Variants in DNAH11 observed in about 807,000 individuals in gnomAD.
The protein encoded by DNAH11 is axonemal beta dynein heavy chain 11.
DNAH11 carries 442 observed loss-of-function variants against 526.0 expected under a neutral mutation model. The observed-to-expected ratio is 0.84, with a 90% CI of 0.78 to 0.91. DNAH11 has a LOEUF of 0.91. Ranked by LOEUF, DNAH11 falls within the 40% of genes least tolerant of loss-of-function variation. DNAH11 has a pLI of 0.00. For synonymous variants in DNAH11, 2,461 were observed against 1,935.9 expected (o/e 1.27, Z -7.12); for missense variants, 6,989 against 5,448.7 (o/e 1.28, Z -8.90).
intron 2 of DNAH11, among the ~76,000 whole-genome samples, chr7:21,547,066 C>A (rs1719932592): frequency 6.6e-6 from 1 of 152,152 alleles, no homozygotes; most frequent in Non-Finnish European, 1.5e-5. Context: ...AAAAACTACA[C>A]AAACTGACAA....
Position 21,894,772 on chromosome 7 carries a change from T to C in DNAH11, c.12900T>C (p.Arg4300=). 1.9e-6 allele frequency: 3 copies of C among 1,611,964 alleles called. No individual in the cohort carries two copies. Among genetic ancestry groups the C allele is most frequent in the Non-Finnish European group, 2.5e-6 (3 of 1,178,864 alleles). ...TGAATATTCTCATTCGGGAAATACG[T>C]ATATCACTTGAACAACTGGACCTTA... The part of the protein sequence containing the change: ...ERMNILIREI[R]ISLEQLDLSL... Residue 4300 remains arginine, a synonymous_variant, in exon 78 of 82, where the codon CGT becomes CGC. Transcript: ENST00000409508.
At position 21,710,560 on chromosome 7, in the gene DNAH11, T is replaced by A. The variant is rs767147826; in HGVS notation, c.6691T>A (p.Tyr2231Asn). The A allele has an allele frequency of 1.9e-6, 3 of 1,607,682 alleles. No homozygotes were observed. The South Asian group carries it at 3.3e-5, about 18-fold the overall frequency. ...AACTACATTATATATTAGGATTGTT[T>A]ACTCTTATTTTATAGGTCTCTTCTC... The part of the protein sequence containing the change: ...TREWKDGKIV[Y>N]SYFIGLFSSI... Residue 2231 changes from tyrosine to asparagine, a missense_variant, in exon 41 of 82, where the codon TAC (tyrosine) becomes AAC (asparagine). Tyr to Asn is a moderately radical substitution (Grantham distance 143). Transcript: ENST00000409508.
intron 73 of DNAH11, among the ~76,000 whole-genome samples, chr7:21,870,320 T>C (rs1454384787): frequency 6.6e-6 from 1 of 152,116 alleles, no homozygotes; most frequent in East Asian, 1.9e-4. Context: ...TGCAACTGGA[T>C]TCATAAAGAA....
At chr7:21,799,688 A>G (rs1406748671) in intron 61 of DNAH11, among the ~76,000 whole-genome samples, 1 of 152,168 alleles carries the variant, frequency 6.6e-6, no homozygotes, top group Non-Finnish European at 1.5e-5. Flanking sequence ...ATCAATTCTC[A>G]TAAAGTTAAT....
intron 5 of DNAH11, among the ~76,000 whole-genome samples, chr7:21,562,633 A>C (rs1472893837): frequency 6.6e-6 from 1 of 152,184 alleles, no homozygotes; most frequent in South Asian, 2.1e-4. Flanking sequence ...CTCTTCTCAA[A>C]GACACACTTC....
chr7:21,872,123 C>CAAAAAAAAAAAAAAAAAAAAA lies in DNAH11; in HGVS notation c.11968-1145_11968-1125dup, dbSNP rs776718319. Among the ~76,000 whole-genome samples the CAAAAAAAAAAAAAAAAAAAAA allele has an allele frequency of 6.5e-4, 20 of 30,832 alleles. 4 individuals carry two copies. Among genetic ancestry groups the CAAAAAAAAAAAAAAAAAAAAA allele is most frequent in the Non-Finnish European group, 9.5e-4 (17 of 17,974 alleles). 20.2% of individuals were successfully genotyped at this position (30,832 alleles called of 152,430 possible). On this transcript the variant is annotated intron_variant, in intron 73 of 81. Transcript: ENST00000409508. ...TGGGTGACAGAGCGAGACTCTGTCT[C>CAAAAAAAAAAAAAAAAAAAAA]AAAAAAAAAAAAAAAAAAAAAAAAA...
chr7:21,765,474 C>T lies in DNAH11; in HGVS notation c.8987C>T (p.Ala2996Val). Residue 2996 changes from alanine to valine, a missense_variant, in exon 55 of 82, where the codon GCT (alanine) becomes GTT (valine). Coordinates refer to ENST00000409508, the MANE Select transcript of DNAH11 (RefSeq NM_001277115.2). The stretch of plus-strand genomic sequence containing the variant: ...GTTGGTCGCACGCTGAGAGTTAGAG[C>T]TCGGAAGTTCCCAGCCATAGTTAAC... The part of the protein sequence containing the change: ...SPVGRTLRVR[A>V]RKFPAIVNCT... The T allele has an allele frequency of 1.2e-6, 2 of 1,613,880 alleles. No homozygotes were observed. Among genetic ancestry groups the T allele is most frequent in the Non-Finnish European group, 1.7e-6 (2 of 1,179,824 alleles).
intron 65 of DNAH11, among the ~76,000 whole-genome samples, chr7:21,818,967 C>A (rs551825866): frequency 1.3e-5 from 2 of 152,210 alleles, no homozygotes; most frequent in South Asian, 4.2e-4. Flanking sequence ...CCAGAACATT[C>A]TCTCAGGGGC....
rs374151422 is a variant in DNAH11, at chr7:21,725,817, G to C, written c.7273G>C (p.Asp2425His). The C allele has an allele frequency of 3.1e-6, 5 of 1,610,046 alleles. No individual in the cohort carries two copies. The African/African-American group carries it at 5.3e-5, about 17-fold the overall frequency. Residue 2425 changes from aspartate to histidine, a missense_variant, in exon 45 of 82, where the codon GAT becomes CAT. Coordinates refer to ENST00000409508, the MANE Select transcript of DNAH11 (RefSeq NM_001277115.2). ...GGTLLQDQISDYQADFSRWWQ... is the reference protein window; with the variant it reads ...GGTLLQDQISHYQADFSRWWQ... The stretch of plus-strand genomic sequence containing the variant: ...TTTCTTTTGTTCTCCTTAGATTTCT[G>C]ATTATCAAGCTGACTTCAGTCGGTG...
chr7:21,672,257 T>C (rs1382533878), intron 30 of DNAH11, among the ~76,000 whole-genome samples: 1 of 152,182 alleles, frequency 6.6e-6, no homozygotes, highest in Non-Finnish European at 1.5e-5. Context: ...TAATGTTCAC[T>C]TTGATCTGCT....
intron 20 of DNAH11, among the ~76,000 whole-genome samples, chr7:21,608,973 A>G (rs1324684536): frequency 6.6e-6 from 1 of 152,168 alleles, no homozygotes; most frequent in Non-Finnish European, 1.5e-5. Context: ...TGAAAGGCAT[A>G]TGTATTATTG....
At chr7:21,567,217 G>T (rs185829738) in intron 6 of DNAH11, among the ~76,000 whole-genome samples, 2 of 152,214 alleles carry the variant, frequency 1.3e-5, no homozygotes, top group Admixed American at 1.3e-4. Flanking sequence ...CATTTATTGG[G>T]TATCTAGTGG....
At chr7:21,872,392 A>C (rs1287885387) in intron 73 of DNAH11, among the ~76,000 whole-genome samples, 2 of 152,056 alleles carry the variant, frequency 1.3e-5, no homozygotes, top group Non-Finnish European at 2.9e-5. Flanking sequence ...TTGCATTATT[A>C]TTTTGTTCCA....
intron 25 of DNAH11, among the ~76,000 whole-genome samples, chr7:21,623,598 A>C (rs980595995): frequency 5.9e-5 from 9 of 152,104 alleles, no homozygotes; most frequent in Non-Finnish European, 1.3e-4. Context: ...GGATTAAGCA[A>C]ATGTGGCACA....
Position 21,786,652 on chromosome 7 carries a change from C to T in DNAH11, c.9626C>T (p.Pro3209Leu), listed in dbSNP as rs1358490203. The change falls in exon 59 of 82, where the codon CCC becomes CTC. Residue 3209 changes from proline (P) to leucine (L), a missense_variant. Transcript: ENST00000409508. The stretch of plus-strand genomic sequence containing the variant: ...AACCTCAGTGAGCTGAAAGCCTTTC[C>T]CAACCCTCCCATCGCAGTTACCAAT... ...RVNLSELKAF[P>L]NPPIAVTNVT... The T allele has an allele frequency of 6.2e-7, 1 of 1,613,180 alleles. No individual in the cohort carries two copies. The highest frequency in any genetic ancestry group is 1.7e-5 in the Admixed American group (1 of 59,986).
At chr7:21,827,046 CTGTGGACCAA>C (rs1361863808) in intron 65 of DNAH11, among the ~76,000 whole-genome samples, 6 of 152,186 alleles carry the variant, frequency 3.9e-5, no homozygotes, top group Non-Finnish European at 8.8e-5. Flanking sequence ...TGACAGCTCC[CTGTGGACCAA>C]TACATCAGCC....
intron 28 of DNAH11, among the ~76,000 whole-genome samples, chr7:21,650,899 C>G (rs1004133236): frequency 6.6e-6 from 1 of 151,408 alleles, no homozygotes; most frequent in African/African-American, 2.4e-5. Flanking sequence ...CTCTGCCTCC[C>G]AAAGTGCTGG....
At chr7:21,602,584 TGTGTGTGTGTG>T (rs1785136741) in intron 18 of DNAH11, among the ~76,000 whole-genome samples, 2 of 151,642 alleles carry the variant, frequency 1.3e-5, no homozygotes, top group Non-Finnish European at 3.0e-5. Flanking sequence ...TGTGTGTGTG[TGTGTGTGTGTG>T]TGTGTACACA....
At chr7:21,674,153 G>A (rs560880580) in intron 30 of DNAH11, among the ~76,000 whole-genome samples, 1 of 151,498 alleles carries the variant, frequency 6.6e-6, no homozygotes, top group Non-Finnish European at 1.5e-5. Flanking sequence ...TCTGCCTCCT[G>A]GGTTCAAGCA....
Sources: gnomAD v4.1 joint callset for allele counts (sites outside exome capture counted in the v4.1 genomes callset) on GRCh38, gnomAD v4.1.1 for gene constraint, MANE v1.5 for transcripts, NCBI Gene and HGNC (gene_info 2026-07-23, HGNC 2026-07-21) for gene names.